Variants in KCNIP4 observed in about 807,000 individuals in gnomAD.
The protein encoded by KCNIP4 is potassium voltage-gated channel interacting protein 4.
A neutral mutation model predicts 34.0 loss-of-function variants in KCNIP4; 12 were observed. That is an observed-to-expected ratio of 0.35 (90% CI 0.23 to 0.57). The LOEUF (loss-of-function observed/expected upper bound fraction) is 0.57. KCNIP4 is among the 20% of genes least tolerant of loss of function. The pLI is 0.83. For synonymous variants in KCNIP4, 124 were observed against 102.2 expected, an observed-to-expected ratio of 1.21 and a Z score of -1.29; for missense variants, 238 against 311.7, an observed-to-expected ratio of 0.76 and a Z score of 1.78.
intron 1 of KCNIP4, among the ~76,000 whole-genome samples, chr4:21,291,800 G>A (rs1218450904): frequency 6.7e-6 from 1 of 148,530 alleles, no homozygotes; most frequent in Non-Finnish European, 1.5e-5. Flanking sequence ...GTTGCAGTGA[G>A]TCAAGATCGC....
At position 20,729,871 on chromosome 4, in the gene KCNIP4, T is replaced by G. The variant is rs1019208304; in HGVS notation, c.*211A>C. On this transcript the variant is annotated 3_prime_UTR_variant, in exon 9 of 9. Coordinates refer to ENST00000382152, the MANE Select transcript of KCNIP4 (RefSeq NM_025221.6). ...ACAGAGTATGAAATGAGTTAGACCA[T>G]CCCCTGAACTCAGTGGCATTATGAA... The G allele has an allele frequency of 2.2e-6, 1 of 448,046 alleles. No homozygotes were observed. The highest frequency in any genetic ancestry group is 5.8e-5 in the South Asian group (1 of 17,222). 27.8% of individuals were successfully genotyped at this position (448,046 alleles called of 1,614,324 possible). A position where few individuals can be genotyped will look rare whatever the true frequency, so the allele number is the denominator to read the frequency against.
At chr4:21,240,216 G>A (rs1389358167) in intron 1 of KCNIP4, among the ~76,000 whole-genome samples, 2 of 115,354 alleles carry the variant, frequency 1.7e-5, no homozygotes, top group African/African-American at 6.8e-5. Context: ...ACACACTGGG[G>A]ACTGTTGTGG....
chr4:21,451,115 C>T (rs557734632), intron 1 of KCNIP4, among the ~76,000 whole-genome samples: 5 of 152,192 alleles, frequency 3.3e-5, no homozygotes, highest in South Asian at 4.1e-4. Context: ...AATTCAATGT[C>T]CTAGTCACAG....
At chr4:20,963,957 T>C (rs946611931) in intron 1 of KCNIP4, among the ~76,000 whole-genome samples, 2 of 152,166 alleles carry the variant, frequency 1.3e-5, no homozygotes, top group African/African-American at 4.8e-5. Context: ...TGGTTAGATG[T>C]GGCAAAAGTG....
intron 1 of KCNIP4, among the ~76,000 whole-genome samples, chr4:20,899,519 A>G (rs1444564283): frequency 6.6e-6 from 1 of 152,200 alleles, no homozygotes; most frequent in African/African-American, 2.4e-5. Flanking sequence ...TCTTATCACT[A>G]TCTTGACCAG....
At chr4:21,796,653 G>A (rs761831257) in intron 1 of KCNIP4, among the ~76,000 whole-genome samples, 4 of 152,198 alleles carry the variant, frequency 2.6e-5, no homozygotes, top group Non-Finnish European at 4.4e-5. Context: ...CTATATGTGT[G>A]TTATCCTCTT....
At chr4:20,764,735 G>T (rs191522661) in intron 3 of KCNIP4, among the ~76,000 whole-genome samples, 1 of 148,560 alleles carries the variant, frequency 6.7e-6, no homozygotes, top group African/African-American at 2.5e-5. Context: ...GCAATAATTT[G>T]CTTCCCTCAT....
At chr4:21,815,534 A>G (rs868658149) in intron 1 of KCNIP4, among the ~76,000 whole-genome samples, 3 of 151,204 alleles carry the variant, frequency 2.0e-5, no homozygotes, top group African/African-American at 4.9e-5. Context: ...AGATAAAAGG[A>G]AAAAAAAAGC....
chr4:21,024,470 G>A (rs1740354029), intron 1 of KCNIP4, among the ~76,000 whole-genome samples: 1 of 152,084 alleles, frequency 6.6e-6, no homozygotes, highest in African/African-American at 2.4e-5. Flanking sequence ...ACCTTGAATC[G>A]TACTTATAGT....
chr4:21,492,331 A>G (rs1732481455), intron 1 of KCNIP4, among the ~76,000 whole-genome samples: 1 of 152,042 alleles, frequency 6.6e-6, no homozygotes, highest in Admixed American at 6.6e-5. Flanking sequence ...TGATCCACTC[A>G]CCTCAGCCTC....
chr4:21,053,284 T>G (rs2108952862), intron 1 of KCNIP4, among the ~76,000 whole-genome samples: 1 of 152,350 alleles, frequency 6.6e-6, no homozygotes, highest in Middle Eastern at 3.4e-3. Context: ...TATGGATTTT[T>G]GGGTGCAATT....
chr4:21,933,068 C>G (rs79669479), intron 1 of KCNIP4, among the ~76,000 whole-genome samples: 1 of 105,570 alleles, frequency 9.5e-6, no homozygotes, highest in Non-Finnish European at 2.1e-5. Context: ...AAAAAAAAAA[C>G]AGAACACCAA....
intron 1 of KCNIP4, chr4:21,697,555 GC>G (rs1194367633): frequency 7.0e-7 from 1 of 1,422,098 alleles, no homozygotes; most frequent in African/African-American, 1.5e-5. Context: ...TGCACAGGCT[GC>G]CTTACAACTC....
chr4:21,776,120 A>C (rs1313861181), intron 1 of KCNIP4, among the ~76,000 whole-genome samples: 1 of 152,186 alleles, frequency 6.6e-6, no homozygotes, highest in Non-Finnish European at 1.5e-5. Context: ...GTTCCGTGGA[A>C]AAAGCACAGT....
intron 1 of KCNIP4, among the ~76,000 whole-genome samples, chr4:21,898,038 T>C (rs1160536564): frequency 3.3e-5 from 5 of 152,080 alleles, no homozygotes; most frequent in Admixed American, 6.5e-5. Flanking sequence ...ACTCAGAAAG[T>C]AGGACAGGGA....
rs143976624 is a variant in KCNIP4, at chr4:21,514,336, A to C, written c.61+434235T>G. Among the ~76,000 whole-genome samples, 414 of 152,310 alleles carry C rather than the reference A, an allele frequency of 2.7e-3. 3 individuals carry two copies. The highest frequency in any genetic ancestry group is 9.5e-3 in the African/African-American group (396 of 41,574). On this transcript the variant is annotated intron_variant, in intron 1 of 8. Transcript: ENST00000382152. ...TGAACATGTTCAGTTCAGCAGAGAA[A>C]AGCATAGTGTCACTAACTCCAGGCA...
chr4:21,737,543 C>A (rs1716075770), intron 1 of KCNIP4, among the ~76,000 whole-genome samples: 1 of 152,052 alleles, frequency 6.6e-6, no homozygotes, highest in South Asian at 2.1e-4. Flanking sequence ...TTATTAACGG[C>A]TACACAGCTG....
chr4:21,752,752 A>ATTTTG (rs1717239778), intron 1 of KCNIP4, among the ~76,000 whole-genome samples: 1 of 152,078 alleles, frequency 6.6e-6, no homozygotes, highest in Non-Finnish European at 1.5e-5. Context: ...TGCTACTAGG[A>ATTTTG]TTTTGTTTTG....
At chr4:21,571,594 C>T (rs962515159) in intron 1 of KCNIP4, among the ~76,000 whole-genome samples, 1 of 152,118 alleles carries the variant, frequency 6.6e-6, no homozygotes, top group Admixed American at 6.6e-5. Context: ...AGCAGAAGCA[C>T]ATATCCATCA....
Sources: allele counts gnomAD v4.1 joint callset (sites outside exome capture counted in the v4.1 genomes callset), GRCh38; gene constraint gnomAD v4.1.1; transcripts MANE v1.5; gene names NCBI Gene and HGNC (gene_info 2026-07-23, HGNC 2026-07-21).